The following DGKI variants were observed in gnomAD, a reference collection of about 807,000 sequenced individuals.
The protein encoded by DGKI is diacylglycerol kinase iota.
In DGKI, 55 loss-of-function variants were observed where a neutral mutation model predicts 147.5. The ratio of observed to expected loss-of-function variants is 0.37; its 90% CI spans 0.30 to 0.47. The LOEUF is 0.47. DGKI is among the 20% of genes least tolerant of loss of function. The pLI is 1.00. For missense variants in DGKI, 1,007 were observed against 1,323.8 expected (o/e 0.76, Z 3.71); for synonymous variants, 469 against 477.1 (o/e 0.98, Z 0.22).
chr7:137,656,040 T>C (rs1822208498), intron 4 of DGKI, among the ~76,000 whole-genome samples: 1 of 152,194 alleles, frequency 6.6e-6, no homozygotes. Context: ...CGTGGCTCGC[T>C]CCCTTGCAGG....
At position 137,387,208 on chromosome 7, in the gene DGKI, CCTT is replaced by C. The variant is rs1405854309; in HGVS notation, c.*4009_*4011del. Reference sequence around the variant, plus strand: ...TAAGCATCACAGAGGAAAGAACTCTCCTTTACTTGAAATACAAACATAGCATAG... The same window carrying C: ...TAAGCATCACAGAGGAAAGAACTCTCTACTTGAAATACAAACATAGCATAG... On this transcript the variant is annotated 3_prime_UTR_variant, in exon 33 of 33. Coordinates refer to ENST00000614521, the MANE Select transcript of DGKI (RefSeq NM_001321708.2). The C allele has an allele frequency of 1.3e-5, 2 of 152,110 alleles. No individual in the cohort carries two copies. The highest frequency in any genetic ancestry group is 4.8e-5 in the African/African-American group (2 of 41,446). 9.4% of individuals were successfully genotyped at this position (152,110 alleles called of 1,614,324 possible).
chr7:137,661,625 G>A (rs1822437410), intron 3 of DGKI, among the ~76,000 whole-genome samples: 3 of 152,030 alleles, frequency 2.0e-5, no homozygotes, highest in South Asian at 2.1e-4. Context: ...GATTCACCCC[G>A]AGGACTAGAA....
At chr7:137,440,957 T>C (rs1813475767) in intron 28 of DGKI, among the ~76,000 whole-genome samples, 1 of 152,078 alleles carries the variant, frequency 6.6e-6, no homozygotes, top group Admixed American at 6.6e-5. Flanking sequence ...TAATAAAAGG[T>C]TTCCAGAGAA....
chr7:137,497,593 T>C (rs550636621), intron 21 of DGKI, among the ~76,000 whole-genome samples: 3 of 152,018 alleles, frequency 2.0e-5, no homozygotes, highest in Non-Finnish European at 4.4e-5. Context: ...ATATACACCA[T>C]GCAATACTAC....
At chr7:137,508,497 A>T (rs1209494692) in intron 21 of DGKI, among the ~76,000 whole-genome samples, 1 of 152,078 alleles carries the variant, frequency 6.6e-6, no homozygotes, top group Non-Finnish European at 1.5e-5. Flanking sequence ...AAGTGCTGGG[A>T]TTACAGGCTT....
At chr7:137,627,637 T>C (rs1820990332) in intron 6 of DGKI, among the ~76,000 whole-genome samples, 1 of 152,148 alleles carries the variant, frequency 6.6e-6, no homozygotes, top group Non-Finnish European at 1.5e-5. Flanking sequence ...GCGGCATGGA[T>C]AAAAATCAAT....
chr7:137,705,455 GA>G (rs1024623430), intron 1 of DGKI, among the ~76,000 whole-genome samples: 1 of 151,484 alleles, frequency 6.6e-6, no homozygotes, highest in Non-Finnish European at 1.5e-5. Context: ...TATTCTGAGT[GA>G]AAAAAAATGG....
Position 137,388,611 on chromosome 7 carries a change from A to AG in DGKI, c.*2608dup, listed in dbSNP as rs1811251574. The stretch of plus-strand genomic sequence containing the variant: ...CTGAGATGGAAACTCCTAGACCATA[A>AG]GGCCTTAGCTCTTTCCAAAGCCCAG... On this transcript the variant is annotated 3_prime_UTR_variant, in exon 33 of 33. Coordinates refer to ENST00000614521, the MANE Select transcript of DGKI (RefSeq NM_001321708.2). 6.6e-6 allele frequency: 1 copy of AG among 152,170 alleles called. No homozygotes were observed. The allele number at this position is 152,170 out of a possible 1,614,324, so 9.4% of individuals were successfully genotyped here.
intron 20 of DGKI, among the ~76,000 whole-genome samples, chr7:137,538,071 T>C (rs1322825853): frequency 1.3e-5 from 2 of 152,212 alleles, no homozygotes; most frequent in African/African-American, 4.8e-5. Flanking sequence ...TGACTAGTTG[T>C]AGAATAGAAT....
Position 137,661,111 on chromosome 7 carries a change from A to G in DGKI, c.607-4571T>C, listed in dbSNP as rs552395201. On this transcript the variant is annotated intron_variant, in intron 3 of 32. Coordinates refer to ENST00000614521, the MANE Select transcript of DGKI (RefSeq NM_001321708.2). ...TTTATTTCTTCTTGCAGTGGGGCCA[A>G]CTGCACTGCCTGCTGACTACATAGC... 2.0e-5 allele frequency among the ~76,000 whole-genome samples: 3 copies of G among 152,310 alleles called. No individual in the cohort carries two copies. In the South Asian group the frequency reaches 6.2e-4, roughly 32 times the overall value.
intron 20 of DGKI, among the ~76,000 whole-genome samples, chr7:137,540,521 A>C (rs1817651870): frequency 6.6e-6 from 1 of 151,894 alleles, no homozygotes; most frequent in South Asian, 2.1e-4. Flanking sequence ...ATAAAACTCC[A>C]CACTACTTCA....
intron 20 of DGKI, among the ~76,000 whole-genome samples, chr7:137,526,496 T>C (rs182467351): frequency 2.0e-4 from 30 of 151,956 alleles, no homozygotes; most frequent in African/African-American, 7.0e-4. Context: ...CTGGACTTAA[T>C]TCCCAAATGT....
intron 1 of DGKI, among the ~76,000 whole-genome samples, chr7:137,695,294 T>C (rs753190792): frequency 6.6e-6 from 1 of 152,242 alleles, no homozygotes; most frequent in African/African-American, 2.4e-5. Context: ...GGCCTTTACA[T>C]ATTGAAATAT....
chr7:137,569,890 C>T (rs1193905372), intron 19 of DGKI, among the ~76,000 whole-genome samples: 2 of 151,786 alleles, frequency 1.3e-5, no homozygotes, highest in Admixed American at 6.6e-5. Context: ...TGTTACAACG[C>T]TGGAAAGTAA....
chr7:137,401,702 T>A (rs573491791), intron 30 of DGKI, among the ~76,000 whole-genome samples: 2 of 152,252 alleles, frequency 1.3e-5, no homozygotes, highest in African/African-American at 4.8e-5. Flanking sequence ...GTTTCCTCAA[T>A]AGAAAAGGAA....
At chr7:137,439,876 A>T (rs943430391) in intron 28 of DGKI, among the ~76,000 whole-genome samples, 1 of 152,240 alleles carries the variant, frequency 6.6e-6, no homozygotes, top group Non-Finnish European at 1.5e-5. Flanking sequence ...CAGATGTTCC[A>T]GTGGGGCATG....
At chr7:137,483,318 A>G (rs973184898) in intron 23 of DGKI, among the ~76,000 whole-genome samples, 1 of 152,136 alleles carries the variant, frequency 6.6e-6, no homozygotes, top group Non-Finnish European at 1.5e-5. Context: ...AAAGTTTTAA[A>G]GGTTCAAAAT....
At chr7:137,665,249 G>A (rs987470123) in intron 3 of DGKI, among the ~76,000 whole-genome samples, 1 of 152,116 alleles carries the variant, frequency 6.6e-6, no homozygotes, top group African/African-American at 2.4e-5. Context: ...TGACAAGAAT[G>A]GAACAAAAAG....
At chr7:137,416,872 T>C (rs1812381776) in intron 28 of DGKI, among the ~76,000 whole-genome samples, 1 of 152,172 alleles carries the variant, frequency 6.6e-6, no homozygotes, top group Non-Finnish European at 1.5e-5. Flanking sequence ...TAGTTTCCAA[T>C]TGTACTGGAT....
Sources: allele counts gnomAD v4.1 joint callset (sites outside exome capture counted in the v4.1 genomes callset), GRCh38; gene constraint gnomAD v4.1.1; transcripts MANE v1.5; gene names NCBI Gene and HGNC (gene_info 2026-07-23, HGNC 2026-07-21).